DPP10: variants seen among roughly 807,000 people sequenced by gnomAD.
The protein encoded by DPP10 is inactive dipeptidyl peptidase 10.
In DPP10, 33 loss-of-function variants were observed where a neutral mutation model predicts 120.9. The ratio of observed to expected loss-of-function variants is 0.27; its 90% confidence interval spans 0.21 to 0.37. DPP10 has a LOEUF of 0.37. Ranked by LOEUF, DPP10 falls within the 10% of genes least tolerant of loss-of-function variation. The probability of loss-of-function intolerance (pLI) is 1.00; values close to 1 mark genes in which losing one functional copy is unlikely to be tolerated. For synonymous variants in DPP10, 337 were observed against 326.1 expected, an observed-to-expected ratio of 1.03 and a Z score of -0.36; for missense variants, 816 against 942.8, an observed-to-expected ratio of 0.87 and a Z score of 1.76.
In DPP10 at chr2:114,609,822, G is replaced by A. The variant is rs555546049; in HGVS notation, c.60+166984G>A. Among the ~76,000 whole-genome samples, 28 of 152,286 alleles carry A rather than the reference G, an allele frequency of 1.8e-4. No individual in the cohort carries two copies. In the South Asian group the frequency reaches 5.6e-3, roughly 31 times the overall value. ...AACAAGAATTGTAAGAAACCTGTGA[G>A]TGAGAAGCACTTACTGAGTTACCAG... On this transcript the variant is annotated intron_variant, in intron 1 of 25. Transcript: ENST00000410059.
At position 114,779,448 on chromosome 2, in the gene DPP10, T is replaced by C. The variant is rs1475766977; in HGVS notation, c.60+336610T>C. 1.3e-5 allele frequency among the ~76,000 whole-genome samples: 2 copies of C among 152,140 alleles called. 1 individual carries two copies. The highest frequency in any genetic ancestry group is 2.9e-5 in the Non-Finnish European group (2 of 68,002). Reference sequence around the variant, plus strand: ...ACCACCTCTGATCAAAGTTATCTCATATCTAGGGTAGCAGAGGACTCCTGA... The same window carrying C: ...ACCACCTCTGATCAAAGTTATCTCACATCTAGGGTAGCAGAGGACTCCTGA... On this transcript the variant is annotated intron_variant, in intron 1 of 25. Coordinates refer to ENST00000410059, the MANE Select transcript of DPP10 (RefSeq NM_020868.6).
intron 3 of DPP10, among the ~76,000 whole-genome samples, chr2:115,457,399 T>A (rs902176370): frequency 2.0e-5 from 3 of 151,990 alleles, no homozygotes; most frequent in African/African-American, 7.2e-5. Flanking sequence ...AAAGTGAAAA[T>A]TAATAAACTT....
chr2:115,152,350 A>C (rs940707120), intron 1 of DPP10, among the ~76,000 whole-genome samples: 1 of 152,234 alleles, frequency 6.6e-6, no homozygotes, highest in Non-Finnish European at 1.5e-5. Flanking sequence ...ACAATTTGCC[A>C]GTCTCTGGTC....
intron 4 of DPP10, among the ~76,000 whole-genome samples, chr2:115,518,044 A>G (rs999589569): frequency 8.5e-5 from 13 of 152,160 alleles, no homozygotes; most frequent in African/African-American, 3.1e-4. Context: ...AAGCAAGAAA[A>G]AGAGAGAGGA....
intron 1 of DPP10, among the ~76,000 whole-genome samples, chr2:115,176,918 G>A (rs891777453): frequency 1.9e-4 from 29 of 152,212 alleles, no homozygotes; most frequent in African/African-American, 7.0e-4. Context: ...GCAATGCACT[G>A]TGAGCATGGC....
At chr2:115,378,804 G>C (rs2066030491) in intron 3 of DPP10, among the ~76,000 whole-genome samples, 1 of 152,162 alleles carries the variant, frequency 6.6e-6, no homozygotes, top group Admixed American at 6.5e-5. Context: ...CATCTATTGA[G>C]ATAATCATGT....
intron 1 of DPP10, among the ~76,000 whole-genome samples, chr2:115,075,968 G>T (rs1250614512): frequency 6.6e-6 from 1 of 152,088 alleles, no homozygotes; most frequent in Non-Finnish European, 1.5e-5. Context: ...TGTGAATCAT[G>T]CATCACACTC....
intron 1 of DPP10, among the ~76,000 whole-genome samples, chr2:114,514,624 C>T (rs1404344449): frequency 2.0e-5 from 3 of 152,306 alleles, no homozygotes; most frequent in East Asian, 1.9e-4. Context: ...TTGCCTCAAA[C>T]TTTGCCACCA....
At chr2:115,437,529 T>C (rs1301917163) in intron 3 of DPP10, among the ~76,000 whole-genome samples, 1 of 152,066 alleles carries the variant, frequency 6.6e-6, no homozygotes, top group Non-Finnish European at 1.5e-5. Flanking sequence ...ATCTTCAGGT[T>C]GATAAGCTCA....
chr2:114,702,737 C>A (rs1700458443), intron 1 of DPP10, among the ~76,000 whole-genome samples: 1 of 152,074 alleles, frequency 6.6e-6, no homozygotes, highest in South Asian at 2.1e-4. Flanking sequence ...ATTTATCAGG[C>A]ACAGGTTTCT....
Position 115,792,187 on chromosome 2 carries a change from G to A in DPP10, c.1700+831G>A, listed in dbSNP as rs559058128. The stretch of plus-strand genomic sequence containing the variant: ...GCTATTTATTAGCTGTGTGTCCTTG[G>A]GCAAGTTCCTTAACCTCCTACAAGG... On this transcript the variant is annotated intron_variant, in intron 19 of 25. Transcript: ENST00000410059. Among the ~76,000 whole-genome samples the A allele has an allele frequency of 4.6e-5, 7 of 151,976 alleles. No individual in the cohort carries two copies. The South Asian group carries it at 1.5e-3, about 32-fold the overall frequency.
intron 1 of DPP10, among the ~76,000 whole-genome samples, chr2:115,196,133 C>T (rs1274459110): frequency 3.3e-5 from 5 of 152,122 alleles, no homozygotes; most frequent in African/African-American, 9.7e-5. Context: ...GTGGACAATC[C>T]GTCAAGCCCA....
At chr2:115,570,579 C>T (rs1280129524) in intron 5 of DPP10, among the ~76,000 whole-genome samples, 2 of 152,180 alleles carry the variant, frequency 1.3e-5, no homozygotes, top group Non-Finnish European at 2.9e-5. Flanking sequence ...TGCCATCTCG[C>T]TCTGTCATCT....
chr2:115,455,452 A>T (rs533239865), intron 3 of DPP10, among the ~76,000 whole-genome samples: 3 of 152,282 alleles, frequency 2.0e-5, no homozygotes, highest in African/African-American at 7.2e-5. Context: ...TCTTCACAGA[A>T]TTGGAAAAAA....
At chr2:114,817,240 G>A (rs1311356209) in intron 1 of DPP10, among the ~76,000 whole-genome samples, 3 of 151,068 alleles carry the variant, frequency 2.0e-5, no homozygotes, top group African/African-American at 2.4e-5. Flanking sequence ...GAGTAATTAT[G>A]TAATGCCATA....
rs918005730 is a variant in DPP10, at chr2:114,841,849, G to A, written c.60+399011G>A. On this transcript the variant is annotated intron_variant, in intron 1 of 25. Transcript: ENST00000410059. Reference sequence around the variant, plus strand: ...AAGACAAAGAAGAATTGGTTAGGTGGAGAGAAGTGGAGACACCCGGCACTC... The same window carrying A: ...AAGACAAAGAAGAATTGGTTAGGTGAAGAGAAGTGGAGACACCCGGCACTC... Among the ~76,000 whole-genome samples the A allele has an allele frequency of 3.9e-5, 6 of 152,158 alleles. No homozygotes were observed. The East Asian group carries it at 1.2e-3, about 29-fold the overall frequency.
chr2:115,755,757 G>C (rs577481486), intron 11 of DPP10, among the ~76,000 whole-genome samples: 1 of 151,856 alleles, frequency 6.6e-6, no homozygotes, highest in African/African-American at 2.4e-5. Context: ...GCATTTATCC[G>C]AAACAAAGGA....
At chr2:114,679,012 C>T (rs542816651) in intron 1 of DPP10, among the ~76,000 whole-genome samples, 1 of 152,180 alleles carries the variant, frequency 6.6e-6, no homozygotes, top group South Asian at 2.1e-4. Context: ...CAATTTGAGA[C>T]CCTCGTTCTG....
intron 1 of DPP10, among the ~76,000 whole-genome samples, chr2:114,875,799 A>G (rs1213660303): frequency 6.6e-6 from 1 of 152,194 alleles, no homozygotes; most frequent in Non-Finnish European, 1.5e-5. Flanking sequence ...ACAGTCATGT[A>G]TAATTTAGAG....
Sources: allele counts gnomAD v4.1 joint callset (sites outside exome capture counted in the v4.1 genomes callset), GRCh38; gene constraint gnomAD v4.1.1; transcripts MANE v1.5; gene names NCBI Gene and HGNC (gene_info 2026-07-23, HGNC 2026-07-21).